Variants in MYLK4 observed in about 807,000 individuals in gnomAD.
MYLK4 encodes caMLCK like.
MYLK4 carries 46 observed loss-of-function variants against 48.1 expected under a neutral mutation model. The observed-to-expected ratio is 0.96, with a 90% CI of 0.75 to 1.22. The LOEUF (loss-of-function observed/expected upper bound fraction) is 1.22. Among genes scored for constraint, MYLK4 ranks in the 50% most tolerant of loss-of-function variants. The pLI, the probability that MYLK4 is intolerant of heterozygous loss-of-function variation, is 0.00. For missense variants in MYLK4, 451 were observed against 486.1 expected, an observed-to-expected ratio of 0.93 and a Z score of 0.68; for synonymous variants, 170 against 180.8, an observed-to-expected ratio of 0.94 and a Z score of 0.48.
chr6:2,691,171 C>G (rs537649001), intron 3 of MYLK4, among the ~76,000 whole-genome samples: 2 of 152,322 alleles, frequency 1.3e-5, no homozygotes, highest in South Asian at 4.1e-4. Flanking sequence ...AAACCTTTAT[C>G]AGTGGAAGAA....
At chr6:2,751,496 G>A (rs573971194), upstream of MYLK4, among the ~76,000 whole-genome samples, 3 of 152,176 alleles carry the variant, frequency 2.0e-5, no homozygotes, top group Non-Finnish European at 2.9e-5. Context: ...GACTTCATCC[G>A]TAGTTTTCTG....
intron 2 of MYLK4, among the ~76,000 whole-genome samples, chr6:2,724,101 C>A (rs1425509014): frequency 6.6e-6 from 1 of 152,114 alleles, no homozygotes; most frequent in African/African-American, 2.4e-5. Flanking sequence ...TGGTCTTGAA[C>A]TCCTGACCTC....
chr6:2,675,000 G>T, intron 11 of MYLK4, 47 bp downstream of exon 11: 1 of 1,337,512 alleles, frequency 7.5e-7, no homozygotes, highest in Non-Finnish European at 1.1e-6. Flanking sequence ...ATCTTCAAAA[G>T]ACAGGCAGAC....
intron 2 of MYLK4, among the ~76,000 whole-genome samples, chr6:2,698,113 A>C (rs551324355): frequency 1.3e-5 from 2 of 152,348 alleles, no homozygotes; most frequent in East Asian, 3.9e-4. Flanking sequence ...TGTTCATAAC[A>C]TAACATATAG....
rs566427541 is a variant in MYLK4 at position 2,745,393 on chromosome 6, G to C, written c.159+3743C>G. 2.0e-5 allele frequency among the ~76,000 whole-genome samples: 3 copies of C among 152,264 alleles called. No homozygotes were observed. In the East Asian group the frequency reaches 5.8e-4, roughly 29 times the overall value. On this transcript the variant is annotated intron_variant, in intron 2 of 12. Coordinates refer to ENST00000274643, the MANE Select transcript of MYLK4 (RefSeq NM_001012418.5). ...TCATCATTTATAACTTAATGGTATG[G>C]ACACAGTAGCTATCGAGCTCATCAC... is the stretch of plus-strand genomic sequence containing the variant.
chr6:2,711,792 T>A (rs1160762299), intron 2 of MYLK4, among the ~76,000 whole-genome samples: 1 of 152,116 alleles, frequency 6.6e-6, no homozygotes, highest in Non-Finnish European at 1.5e-5. Flanking sequence ...AAGTTGGGTA[T>A]CTTTTTTTTT....
chr6:2,680,988 G>A (rs1194795471), intron 7 of MYLK4, among the ~76,000 whole-genome samples: 2 of 152,164 alleles, frequency 1.3e-5, no homozygotes, highest in Non-Finnish European at 2.9e-5. Flanking sequence ...GGGGTGTAGT[G>A]CAGCCACTCA....
chr6:2,763,261 C>T, the MYLK4 span, among the ~76,000 whole-genome samples: 1 of 152,268 alleles, frequency 6.6e-6, no homozygotes, highest in Non-Finnish European at 1.5e-5. Context: ...CTCAGAAACC[C>T]AGTTGGCTTC....
chr6:2,743,170 C>T (rs913441167), intron 2 of MYLK4, among the ~76,000 whole-genome samples: 1 of 152,076 alleles, frequency 6.6e-6, no homozygotes, highest in Non-Finnish European at 1.5e-5. Context: ...ATAATGAAAA[C>T]AAGGCTGAGA....
At chr6:2,732,032 G>T (rs1333287043) in intron 2 of MYLK4, among the ~76,000 whole-genome samples, 2 of 152,150 alleles carry the variant, frequency 1.3e-5, no homozygotes, top group Non-Finnish European at 2.9e-5. Flanking sequence ...AAACAGACCT[G>T]GAAATTGACC....
At chr6:2,763,470 C>T in the MYLK4 span, among the ~76,000 whole-genome samples, 7 of 152,218 alleles carry the variant, frequency 4.6e-5, no homozygotes, top group African/African-American at 1.4e-4. Flanking sequence ...GAGCCTTGCG[C>T]TGCGTGGAGG....
At chr6:2,765,370 G>T in the MYLK4 span, 9 of 326,950 alleles carry the variant, frequency 2.8e-5, no homozygotes, top group Non-Finnish European at 1.1e-5. Context: ...CGCCTCCGCC[G>T]CCGGGGCAAA....
the MYLK4 span, among the ~76,000 whole-genome samples, chr6:2,769,489 G>T: frequency 6.6e-6 from 1 of 151,930 alleles, no homozygotes. Context: ...AAATTTTTAG[G>T]CATAACTTTA....
Position 2,679,304 on chromosome 6 carries a change from C to A in MYLK4, c.863G>T (p.Ser288Ile), listed in dbSNP as rs756567595. ...DFVSFPTDMW[S>I]VGVIAYMLLS... ...CAGCATATAGGCGATGACCCCCACACTCCACATGTCAGTGGGAAATGAAAC... is the reference window on the plus strand; with the variant it reads ...CAGCATATAGGCGATGACCCCCACAATCCACATGTCAGTGGGAAATGAAAC... Residue 288 changes from serine (S) to isoleucine (I), a missense_variant, in exon 9 of 13, where the codon AGT becomes ATT. Transcript: ENST00000274643. The A allele has an allele frequency of 1.2e-6, 2 of 1,614,166 alleles. No individual in the cohort carries two copies. The highest frequency in any genetic ancestry group is 1.7e-6 in the Non-Finnish European group (2 of 1,180,008).
chr6:2,690,127 C>T (rs1761717154), intron 3 of MYLK4, among the ~76,000 whole-genome samples: 2 of 152,196 alleles, frequency 1.3e-5, no homozygotes, highest in Non-Finnish European at 2.9e-5. Flanking sequence ...AAGGCCCATA[C>T]AAAAGCCATT....
intron 11 of MYLK4, among the ~76,000 whole-genome samples, 169 bp from the exon 12 acceptor site, chr6:2,671,517 C>T (rs1464686928): frequency 6.6e-6 from 1 of 152,172 alleles, no homozygotes; most frequent in East Asian, 1.9e-4. Flanking sequence ...CACCGGCCAA[C>T]CTCAGAGTCC....
chr6:2,679,796 G>A (rs1761223047), intron 8 of MYLK4, among the ~76,000 whole-genome samples: 1 of 152,172 alleles, frequency 6.6e-6, no homozygotes, highest in African/African-American at 2.4e-5. Flanking sequence ...TATATGTGTC[G>A]TTAATGTGCT....
In MYLK4 at chr6:2,710,031, A is replaced by T. The variant is rs541050697; in HGVS notation, c.160-17172T>A. Reference sequence around the variant, plus strand: ...AGTAATTGGCTATGTTGACATTTCTACTTATGAGAGATGTCCATTTGGAAT... The same window carrying T: ...AGTAATTGGCTATGTTGACATTTCTTCTTATGAGAGATGTCCATTTGGAAT... On this transcript the variant is annotated intron_variant, in intron 2 of 12. Coordinates refer to ENST00000274643, the MANE Select transcript of MYLK4 (RefSeq NM_001012418.5). Among the ~76,000 whole-genome samples the T allele has an allele frequency of 3.3e-5, 5 of 152,382 alleles. No homozygotes were observed. In the East Asian group the frequency reaches 7.7e-4, roughly 23 times the overall value.
chr6:2,675,178 A>G lies in MYLK4; in HGVS notation c.1041-53T>C, dbSNP rs1761039989. 3.8e-6 allele frequency: 5 copies of G among 1,328,508 alleles called. No homozygotes were observed. The African/African-American group carries it at 4.3e-5, about 12-fold the overall frequency. 82.3% of individuals were successfully genotyped at this position (1,328,508 alleles called of 1,614,324 possible). A position where few individuals can be genotyped will look rare whatever the true frequency, so the allele number is the denominator to read the frequency against. ...TAGAAACACACCGAAGAAGGCCTGT[A>G]TCTGCTGTTCAATCTCAACTCCAGC... On this transcript the variant is annotated intron_variant, in intron 10 of 12. Transcript: ENST00000274643.
Sources: allele counts gnomAD v4.1 joint callset (sites outside exome capture counted in the v4.1 genomes callset), GRCh38; gene constraint gnomAD v4.1.1; transcripts MANE v1.5; gene names NCBI Gene and HGNC (gene_info 2026-07-23, HGNC 2026-07-21).